Variants in GALNT13 observed in about 807,000 individuals in gnomAD.
GALNT13 encodes the protein polypeptide N-acetylgalactosaminyltransferase 13.
GALNT13 carries 28 observed loss-of-function variants against 64.2 expected under a neutral mutation model. The observed-to-expected ratio is 0.44, with a 90% CI of 0.32 to 0.60. The LOEUF (loss-of-function observed/expected upper bound fraction) is 0.60. Among genes scored for constraint, GALNT13 ranks in the 20% least tolerant of loss-of-function variants. The pLI, the probability that GALNT13 is intolerant of heterozygous loss-of-function variation, is 0.05. For synonymous variants in GALNT13, 214 were observed against 224.6 expected (o/e 0.95, Z 0.42); for missense variants, 577 against 669.8 (o/e 0.86, Z 1.53).
At chr2:153,108,001 C>A in the GALNT13 span, among the ~76,000 whole-genome samples, 2 of 152,142 alleles carry the variant, frequency 1.3e-5, no homozygotes, top group African/African-American at 2.4e-5. Flanking sequence ...CCTCAGCCTC[C>A]CAAGTAGCTG....
chr2:154,242,607 C>A, intron 5 of GALNT13, 91 bp from the exon 6 acceptor site: 1 of 783,452 alleles, frequency 1.3e-6, no homozygotes, highest in Non-Finnish European at 2.1e-6. Flanking sequence ...GCCACCATTT[C>A]TGTGTGTTGA....
the GALNT13 span, among the ~76,000 whole-genome samples, chr2:153,526,381 A>G: frequency 6.6e-6 from 1 of 152,168 alleles, no homozygotes. Context: ...CTTGGGAGAA[A>G]GTAAGGGAAG....
At chr2:153,752,945 T>G in the GALNT13 span, among the ~76,000 whole-genome samples, 3 of 152,204 alleles carry the variant, frequency 2.0e-5, no homozygotes, top group Non-Finnish European at 4.4e-5. Context: ...TTATTATTTT[T>G]CCTTTGAACT....
At chr2:153,984,792 A>G (rs1694686134) in intron 3 of GALNT13, among the ~76,000 whole-genome samples, 1 of 151,512 alleles carries the variant, frequency 6.6e-6, no homozygotes, top group African/African-American at 2.4e-5. Flanking sequence ...TTTGTTTTAT[A>G]TTTCCTCTCT....
chr2:154,346,624 T>G lies in GALNT13; in HGVS notation c.1156+45035T>G, dbSNP rs970242902. Among the ~76,000 whole-genome samples, 3 of 152,154 alleles carry G rather than the reference T, an allele frequency of 2.0e-5. No individual in the cohort carries two copies. In the South Asian group the frequency reaches 6.2e-4, roughly 31 times the overall value. ...TACCTTTTGCCTTCTGCCATGATTG[T>G]GAGTCCTCCCCAGCTATGTGGAACT... On this transcript the variant is annotated intron_variant, in intron 9 of 12. Coordinates refer to ENST00000392825, the MANE Select transcript of GALNT13 (RefSeq NM_052917.4).
At chr2:153,765,756 A>G in the GALNT13 span, among the ~76,000 whole-genome samples, 1 of 151,994 alleles carries the variant, frequency 6.6e-6, no homozygotes, top group Non-Finnish European at 1.5e-5. Context: ...AAGTGTAATA[A>G]TCCCCTCATG....
intron 4 of GALNT13, among the ~76,000 whole-genome samples, chr2:154,221,741 A>G (rs1038947405): frequency 6.6e-6 from 1 of 152,114 alleles, no homozygotes; most frequent in Admixed American, 6.6e-5. Flanking sequence ...TGACATGGAA[A>G]TTCTCTTTTA....
the GALNT13 span, among the ~76,000 whole-genome samples, chr2:153,831,397 G>T: frequency 6.6e-6 from 1 of 152,148 alleles, no homozygotes; most frequent in African/African-American, 2.4e-5. Flanking sequence ...GGATCATGGG[G>T]CTTGCTTCTT....
the GALNT13 span, among the ~76,000 whole-genome samples, chr2:153,507,271 T>C: frequency 1.3e-5 from 2 of 152,036 alleles, no homozygotes; most frequent in African/African-American, 4.8e-5. Context: ...TTTTCCTTCT[T>C]TCTTTCCTTC....
intron 4 of GALNT13, among the ~76,000 whole-genome samples, chr2:154,181,510 G>C (rs1407222779): frequency 1.3e-5 from 2 of 151,772 alleles, no homozygotes; most frequent in Admixed American, 6.6e-5. Flanking sequence ...TTCCCCAAAG[G>C]AATAATTTAA....
chr2:154,038,470 T>C (rs1698792178), intron 3 of GALNT13, among the ~76,000 whole-genome samples: 1 of 152,108 alleles, frequency 6.6e-6, no homozygotes. Flanking sequence ...CATGCATTTA[T>C]AGCCAACTGA....
chr2:154,323,991 T>C (rs1304186148), intron 9 of GALNT13, among the ~76,000 whole-genome samples: 2 of 152,056 alleles, frequency 1.3e-5, no homozygotes, highest in African/African-American at 4.8e-5. Context: ...TTTTAAAAAA[T>C]TTTAAATACC....
chr2:154,291,931 T>A (rs1443053262), intron 8 of GALNT13, among the ~76,000 whole-genome samples: 1 of 152,252 alleles, frequency 6.6e-6, no homozygotes, highest in East Asian at 1.9e-4. Flanking sequence ...CTCCCTGTGG[T>A]TCATCAAGCA....
At chr2:153,608,631 C>T in the GALNT13 span, among the ~76,000 whole-genome samples, 4 of 148,306 alleles carry the variant, frequency 2.7e-5, no homozygotes, top group African/African-American at 7.4e-5. Flanking sequence ...ATATATTTCT[C>T]TCTTTCATAC....
At chr2:153,786,146 C>T in the GALNT13 span, among the ~76,000 whole-genome samples, 1 of 152,132 alleles carries the variant, frequency 6.6e-6, no homozygotes, top group African/African-American at 2.4e-5. Flanking sequence ...CACAACCACC[C>T]TGCCTGTAAC....
At chr2:154,186,865 G>A (rs1345147340) in intron 4 of GALNT13, among the ~76,000 whole-genome samples, 4 of 152,026 alleles carry the variant, frequency 2.6e-5, no homozygotes, top group Non-Finnish European at 4.4e-5. Flanking sequence ...TGTCAAAGAA[G>A]CATTCTATCA....
At chr2:153,847,397 TGC>T in the GALNT13 span, among the ~76,000 whole-genome samples, 2 of 42,460 alleles carry the variant, frequency 4.7e-5, no homozygotes, top group Non-Finnish European at 1.9e-4. Flanking sequence ...TATGTGCTCA[TGC>T]GCACACACAC....
chr2:154,068,130 A>G (rs910733799), intron 3 of GALNT13, among the ~76,000 whole-genome samples: 2 of 152,104 alleles, frequency 1.3e-5, no homozygotes, highest in Admixed American at 6.6e-5. Flanking sequence ...ATCACTGATC[A>G]TCAGATAAAT....
chr2:153,604,369 C>T, the GALNT13 span, among the ~76,000 whole-genome samples: 5 of 151,962 alleles, frequency 3.3e-5, no homozygotes, highest in Non-Finnish European at 7.4e-5. Flanking sequence ...AGAGCTGTTG[C>T]CAATCTCTGT....
Sources: allele counts gnomAD v4.1 joint callset (sites outside exome capture counted in the v4.1 genomes callset), GRCh38; gene constraint gnomAD v4.1.1; transcripts MANE v1.5; gene names NCBI Gene and HGNC (gene_info 2026-07-23, HGNC 2026-07-21).